The following LDLRAP1 variants were observed in gnomAD, a reference collection of about 807,000 sequenced individuals.
LDLRAP1 encodes low density lipoprotein receptor adaptor protein 1.
A neutral mutation model predicts 37.8 loss-of-function variants in LDLRAP1; 30 were observed. The observed-to-expected ratio is 0.79, with a 90% confidence interval of 0.59 to 1.08. The LOEUF is 1.08. Among genes scored for constraint, LDLRAP1 ranks in the 50% least tolerant of loss-of-function variants. The pLI, the probability that LDLRAP1 is intolerant of heterozygous loss-of-function variation, is 0.00. For missense variants in LDLRAP1, 375 were observed against 401.6 expected (o/e 0.93, Z 0.57); for synonymous variants, 156 against 169.8 (o/e 0.92, Z 0.63).
At chr1:25,560,209 G>T (rs2044310690) in intron 4 of LDLRAP1, among the ~76,000 whole-genome samples, 1 of 152,006 alleles carries the variant, frequency 6.6e-6, no homozygotes, top group Admixed American at 6.6e-5. Flanking sequence ...TCAGGATGTT[G>T]AGGGCCTTGA....
At chr1:25,565,321 T>A in intron 8 of LDLRAP1, 114 bp downstream of exon 8, 1 of 1,180,172 alleles carries the variant, frequency 8.5e-7, no homozygotes, top group African/African-American at 1.5e-5. Flanking sequence ...TCAGACCCCC[T>A]CCAGAGCAAC....
rs1056713107 is a variant in LDLRAP1, at chr1:25,568,812, A to G, written c.*1820A>G. On this transcript the variant is annotated 3_prime_UTR_variant, in exon 9 of 9. Transcript: ENST00000374338. ...TGTGCCTCCTGTGTGTCTGCAGACA[A>G]GTCTTGCTGTGCTTTATTTGTGAAA... is the stretch of plus-strand genomic sequence containing the variant. The G allele has an allele frequency of 3.3e-5, 5 of 152,278 alleles. No homozygotes were observed. Among genetic ancestry groups the G allele is most frequent in the African/African-American group, 1.2e-4 (5 of 41,472 alleles). 9.4% of individuals were successfully genotyped at this position (152,278 alleles called of 1,614,324 possible).
Position 25,543,678 on chromosome 1 carries a change from C to A in LDLRAP1, c.-21C>A, listed in dbSNP as rs1368096972. On this transcript the variant is annotated 5_prime_UTR_variant, in exon 1 of 9. Coordinates refer to ENST00000374338, the MANE Select transcript of LDLRAP1 (RefSeq NM_015627.3). ...GACGGAGTTTTGGCTGCGGCAGCGG[C>A]GGCGGCGGCCGGAGCGGGCCATGGA... is the stretch of plus-strand genomic sequence containing the variant. The A allele has an allele frequency of 1.7e-6, 2 of 1,211,368 alleles. No homozygotes were observed. The highest frequency in any genetic ancestry group is 2.1e-6 in the Non-Finnish European group (2 of 974,574). The allele number at this position is 1,211,368 out of a possible 1,614,324, so 75.0% of individuals were successfully genotyped here.
intron 1 of LDLRAP1, among the ~76,000 whole-genome samples, chr1:25,548,803 GGT>G (rs1296027109): frequency 2.0e-5 from 3 of 152,116 alleles, no homozygotes; most frequent in Non-Finnish European, 4.4e-5. Flanking sequence ...TAGAACTACA[GGT>G]GCACACTGCC....
At chr1:25,582,458 A>AGG in the LDLRAP1 span, among the ~76,000 whole-genome samples, 1 of 151,346 alleles carries the variant, frequency 6.6e-6, no homozygotes, top group Non-Finnish European at 1.5e-5. Context: ...GGTGGCATGC[A>AGG]CCTGTAGTCC....
Position 25,565,135 on chromosome 1 carries a change from C to T in LDLRAP1, c.748-38C>T, listed in dbSNP as rs371181237. The T allele has an allele frequency of 2.8e-5, 45 of 1,612,444 alleles. No homozygotes were observed. The African/African-American group carries it at 3.6e-4, about 13-fold the overall frequency. On this transcript the variant is annotated intron_variant, in intron 7 of 8. Coordinates refer to ENST00000374338, the MANE Select transcript of LDLRAP1 (RefSeq NM_015627.3). Reference sequence around the variant, plus strand: ...CCCCAGCTGTGAGCATGGGCTCCCCCAAACATAGTTCTTATCTCCTGCTTT... The same window carrying T: ...CCCCAGCTGTGAGCATGGGCTCCCCTAAACATAGTTCTTATCTCCTGCTTT...
chr1:25,561,783 A>G (rs1235335638), intron 4 of LDLRAP1, among the ~76,000 whole-genome samples: 1 of 152,134 alleles, frequency 6.6e-6, no homozygotes, highest in Non-Finnish European at 1.5e-5. Context: ...CACCTCTGGG[A>G]GGCTTTGGCC....
intron 4 of LDLRAP1, among the ~76,000 whole-genome samples, chr1:25,561,856 AAC>A (rs370156169): frequency 0.013 from 1,966 of 152,260 alleles, 33 homozygotes; most frequent in African/African-American, 0.044. Flanking sequence ...AGCTGGGGGA[AAC>A]ACAGGCAGGG....
rs781711827 is a variant in LDLRAP1 at position 25,565,204 on chromosome 1, C to G, written c.779C>G (p.Ser260Trp). The G allele has an allele frequency of 6.2e-7, 1 of 1,614,058 alleles. No homozygotes were observed. Among genetic ancestry groups the G allele is most frequent in the Non-Finnish European group, 8.5e-7 (1 of 1,179,964 alleles). ...ELDDGLDEAFSRLAQSRTNPQ... is the reference protein window; with the variant it reads ...ELDDGLDEAFWRLAQSRTNPQ... ...GATGATGGCCTGGATGAAGCGTTTTCGAGGTAATGCTAGCTTCCTGTGCTG... is the reference window on the plus strand; with the variant it reads ...GATGATGGCCTGGATGAAGCGTTTTGGAGGTAATGCTAGCTTCCTGTGCTG... Residue 260 changes from serine to tryptophan, a missense_variant, in exon 8 of 9, where the codon TCG (serine) becomes TGG (tryptophan). Coordinates refer to ENST00000374338, the MANE Select transcript of LDLRAP1 (RefSeq NM_015627.3).
At chr1:25,562,853 G>T (rs914027245) in intron 5 of LDLRAP1, 137 bp downstream of exon 5, 1 of 209,414 alleles carries the variant, frequency 4.8e-6, no homozygotes, top group Non-Finnish European at 9.0e-6. Context: ...TCACCGCTCA[G>T]AGTCTCGGTT....
intron 4 of LDLRAP1, among the ~76,000 whole-genome samples, chr1:25,560,600 T>TCCCG (rs1557706543): frequency 6.6e-6 from 1 of 152,122 alleles, no homozygotes; most frequent in East Asian, 1.9e-4. Context: ...GGCTGCTCCC[T>TCCCG]CCCCCATGAC....
chr1:25,566,873 C>T lies in LDLRAP1; in HGVS notation c.808C>T (p.Gln270Ter). ...SRLAQSRTNP[Q>*]VLDTGLTAQD... Reference sequence around the variant, plus strand: ...GCTTGCCCAGTCTCGGACAAACCCTCAGGTCCTGGACACTGGCCTGACAGC... The same window carrying T: ...GCTTGCCCAGTCTCGGACAAACCCTTAGGTCCTGGACACTGGCCTGACAGC... The change falls in exon 9 of 9, where the codon CAG (glutamine) becomes TAG (stop). Residue 270 changes from glutamine to a stop codon, truncating the protein, a stop_gained. Coordinates refer to ENST00000374338, the MANE Select transcript of LDLRAP1 (RefSeq NM_015627.3). LOFTEE classifies it high-confidence loss of function. 6.2e-7 allele frequency: 1 copy of T among 1,612,312 alleles called. No homozygotes were observed. The highest frequency in any genetic ancestry group is 8.5e-7 in the Non-Finnish European group (1 of 1,179,446).
intron 1 of LDLRAP1, chr1:25,553,297 AT>A (rs1393370280): frequency 1.3e-5 from 2 of 154,478 alleles, no homozygotes; most frequent in Admixed American, 1.3e-4. Context: ...AAATGGTATG[AT>A]TTGCCCTCAG....
At position 25,566,851 on chromosome 1, in the gene LDLRAP1, T is replaced by C. The variant is rs1379728775; in HGVS notation, c.786T>C (p.Leu262=). The C allele has an allele frequency of 1.2e-6, 2 of 1,609,440 alleles. No individual in the cohort carries two copies. The highest frequency in any genetic ancestry group is 1.3e-5 in the African/African-American group (1 of 74,894). The change falls in exon 9 of 9, where the codon CTT becomes CTC. Residue 262 remains leucine, a synonymous_variant. Transcript: ENST00000374338. ...CTCACACAGCTCTGCCTTCCAGGCT[T>C]GCCCAGTCTCGGACAAACCCTCAGG... ...DDGLDEAFSR[L]AQSRTNPQVL...
intron 4 of LDLRAP1, chr1:25,557,517 G>A (rs192805417): frequency 1.0e-4 from 57 of 567,308 alleles, no homozygotes; most frequent in African/African-American, 9.8e-4. Context: ...TGTGTGTCTG[G>A]GCCTGTTCTC....
the LDLRAP1 span, among the ~76,000 whole-genome samples, chr1:25,576,157 G>A: frequency 3.3e-5 from 5 of 152,046 alleles, no homozygotes; most frequent in African/African-American, 7.2e-5. Context: ...ACTTGAATTC[G>A]GGAGGCAGAG....
chr1:25,580,320 C>G, the LDLRAP1 span, among the ~76,000 whole-genome samples: 2 of 152,226 alleles, frequency 1.3e-5, no homozygotes, highest in Admixed American at 1.3e-4. Context: ...TCCCAGCACT[C>G]TGGGAGGCTA....
chr1:25,575,138 C>T, the LDLRAP1 span, among the ~76,000 whole-genome samples: 11 of 152,150 alleles, frequency 7.2e-5, no homozygotes, highest in African/African-American at 2.7e-4. Context: ...TGGACCAGGG[C>T]TCTCACTACC....
chr1:25,548,639 A>G (rs1344288078), intron 1 of LDLRAP1, among the ~76,000 whole-genome samples: 2 of 151,696 alleles, frequency 1.3e-5, no homozygotes, highest in African/African-American at 4.9e-5. Flanking sequence ...ATGAGCTACC[A>G]CGCCTGGCTG....
Sources: gnomAD v4.1 joint callset for allele counts (sites outside exome capture counted in the v4.1 genomes callset) on GRCh38, gnomAD v4.1.1 for gene constraint, MANE v1.5 for transcripts, NCBI Gene and HGNC (gene_info 2026-07-23, HGNC 2026-07-21) for gene names.